Variants in NLRP2 observed in about 807,000 individuals in gnomAD.
NLRP2 encodes NACHT, LRR and PYD domains-containing protein 2.
Under a neutral mutation model 97.2 loss-of-function variants are expected in NLRP2, and 107 were observed. The ratio of observed to expected loss-of-function variants is 1.10; its 90% CI spans 0.94 to 1.29. The LOEUF (loss-of-function observed/expected upper bound fraction) is 1.29, where lower values mean the gene tolerates loss of function less well. Ranked by LOEUF, NLRP2 falls within the 50% of genes most tolerant of loss-of-function variation. The probability of loss-of-function intolerance (pLI) is 0.00; values close to 1 mark genes in which losing one functional copy is unlikely to be tolerated. For synonymous variants in NLRP2, 663 were observed against 551.5 expected, an observed-to-expected ratio of 1.20 and a Z score of -2.83; for missense variants, 1,495 against 1,330.3, an observed-to-expected ratio of 1.12 and a Z score of -1.93.
Position 54,997,322 on chromosome 19 carries a change from G to A in NLRP2, c.2885G>A (p.Trp962Ter), listed in dbSNP as rs2072884417. Residue 962 changes from tryptophan to a stop codon, truncating the protein, a stop_gained, in exon 12 of 13, where the codon TGG (tryptophan) becomes TAG (stop). Transcript: ENST00000448584. LOFTEE classifies it high-confidence loss of function. Reference sequence around the variant, plus strand: ...TGATTTCTGTGTTTCCCCAGGTTGTGGGGATGTTCCATCCCTCCGTTCAGT... The same window carrying A: ...TGATTTCTGTGTTTCCCCAGGTTGTAGGGATGTTCCATCCCTCCGTTCAGT... The part of the protein sequence containing the change: ...PLCNLRCLWL[W>*]GCSIPPFSCE... 1.2e-6 allele frequency: 2 copies of A among 1,613,350 alleles called. No homozygotes were observed. The highest frequency in any genetic ancestry group is 1.3e-5 in the African/African-American group (1 of 74,902).
chr19:54,986,659 T>C (rs1443786333), intron 8 of NLRP2, among the ~76,000 whole-genome samples: 1 of 152,134 alleles, frequency 6.6e-6, no homozygotes, highest in East Asian at 1.9e-4. Context: ...CAAGTAATTC[T>C]GCTGCCTCAG....
At position 54,986,227 on chromosome 19, in the gene NLRP2, C is replaced by CT; in HGVS notation, c.2279dup (p.Thr761AspfsTer6). 2 of 1,613,056 alleles carry CT rather than the reference C, an allele frequency of 1.2e-6. No homozygotes were observed. Among genetic ancestry groups the CT allele is most frequent in the Non-Finnish European group, 1.7e-6 (2 of 1,179,016 alleles). ...TCGAGGTCACAAGACTGTAACGTAT[C>CT]TGACCCTTCAAGGCAATGACCAGGA... On this transcript the variant is annotated frameshift_variant, in exon 8 of 13. Coordinates refer to ENST00000448584, the MANE Select transcript of NLRP2 (RefSeq NM_017852.5). LOFTEE classifies it high-confidence loss of function.
chr19:54,981,512 CCCCCT>C, intron 4 of NLRP2, 100 bp from the exon 5 acceptor site: 2 of 273,622 alleles, frequency 7.3e-6, no homozygotes, highest in Admixed American at 3.5e-5. Flanking sequence ...ATCCCGTGCC[CCCCCT>C]CCCCCCCGCC....
chr19:54,997,643 C>T (rs547490909), intron 12 of NLRP2, among the ~76,000 whole-genome samples, 156 bp downstream of exon 12: 2 of 152,162 alleles, frequency 1.3e-5, no homozygotes, highest in South Asian at 2.1e-4. Context: ...CTTGGAGAAA[C>T]GGGGTTTCAC....
intron 1 of NLRP2, among the ~76,000 whole-genome samples, chr19:54,966,670 C>G (rs565763720): frequency 3.6e-4 from 55 of 151,728 alleles, no homozygotes; most frequent in South Asian, 4.2e-4. Flanking sequence ...CTCAGCCTCC[C>G]GAGTAGCTGA....
In NLRP2 at chr19:54,999,684, GA is replaced by G. The variant is rs935351331; in HGVS notation, c.3051-1069del. 2.6e-4 allele frequency among the ~76,000 whole-genome samples: 40 copies of G among 151,930 alleles called. 1 individual carries two copies. Among genetic ancestry groups the G allele is most frequent in the African/African-American group, 9.6e-4 (40 of 41,466 alleles). Reference sequence around the variant, plus strand: ...CAACATGGTTGAGAATAAGAGGAATGAAAAAAAGGATTAAAAAGAGAAATGA... The same window carrying G: ...CAACATGGTTGAGAATAAGAGGAATGAAAAAAGGATTAAAAAGAGAAATGA... On this transcript the variant is annotated intron_variant, in intron 12 of 12. Transcript: ENST00000448584.
intron 3 of NLRP2, chr19:54,976,830 G>A: frequency 5.3e-5 from 2 of 37,866 alleles, no homozygotes; most frequent in Admixed American, 2.4e-4. Context: ...TTTTTTTTTT[G>A]ATACGGAGTC....
chr19:54,993,181 T>G (rs1328935171), intron 10 of NLRP2: 1 of 149,108 alleles, frequency 6.7e-6, no homozygotes, highest in East Asian at 2.0e-4. Flanking sequence ...ATTGTGCCAC[T>G]GTACTCCAGC....
chr19:54,967,917 A>ATTT (rs55659818), intron 1 of NLRP2, among the ~76,000 whole-genome samples: 1,590 of 126,272 alleles, frequency 0.013, 30 homozygotes, highest in African/African-American at 0.043. Context: ...TGCTACTGCT[A>ATTT]TTTTTTTTTT....
intron 1 of NLRP2, among the ~76,000 whole-genome samples, chr19:54,969,623 C>G (rs1379060650): frequency 6.6e-6 from 1 of 152,162 alleles, no homozygotes; most frequent in Non-Finnish European, 1.5e-5. Flanking sequence ...CTACTGTACT[C>G]CAGCCTGGGC....
chr19:54,988,069 C>T (rs2072217066), intron 8 of NLRP2, among the ~76,000 whole-genome samples: 1 of 152,076 alleles, frequency 6.6e-6, no homozygotes, highest in African/African-American at 2.4e-5. Flanking sequence ...ATTGATTGCT[C>T]TGGCTCTACT....
chr19:54,994,525 C>T (rs73609925), intron 11 of NLRP2, 86 bp downstream of exon 11: 2 of 1,404,038 alleles, frequency 1.4e-6, no homozygotes, highest in East Asian at 2.3e-5. Flanking sequence ...AGCCGACTTC[C>T]CAAGTTATAT....
intron 11 of NLRP2, among the ~76,000 whole-genome samples, chr19:54,995,620 G>A (rs185492068): frequency 2.0e-5 from 3 of 151,896 alleles, no homozygotes; most frequent in Non-Finnish European, 2.9e-5. Context: ...ATTAGATATC[G>A]TGCCAGAAAA....
At chr19:54,971,706 C>G (rs1204326573) in intron 2 of NLRP2, among the ~76,000 whole-genome samples, 1 of 152,138 alleles carries the variant, frequency 6.6e-6, no homozygotes, top group African/African-American at 2.4e-5. Flanking sequence ...CTACCTATTT[C>G]TATCGCTTTC....
intron 11 of NLRP2, among the ~76,000 whole-genome samples, chr19:54,996,926 AGACCGGAGTCTC>A (rs1396456556): frequency 1.3e-5 from 2 of 151,866 alleles, no homozygotes; most frequent in Admixed American, 1.3e-4. Flanking sequence ...TTGTTTTTTG[AGACCGGAGTCTC>A]ACTCTGTCAC....
At position 54,985,099 on chromosome 19, in the gene NLRP2, T is replaced by C; in HGVS notation, c.2083T>C (p.Phe695Leu). 1 of 1,614,158 alleles carries C rather than the reference T, an allele frequency of 6.2e-7. No individual in the cohort carries two copies. Among genetic ancestry groups the C allele is most frequent in the Non-Finnish European group, 8.5e-7 (1 of 1,180,030 alleles). Residue 695 changes from phenylalanine to leucine, a missense_variant, in exon 7 of 13, where the codon TTT becomes CTT. Transcript: ENST00000448584. ...LPFWTDLCSI[F>L]GSNKDLMGLA... ...TTTCTGGACGGACCTTTGTTCCATA[T>C]TTGGATCAAATAAGGATCTGATGGG...
intron 11 of NLRP2, among the ~76,000 whole-genome samples, chr19:54,994,912 T>C (rs2072721101): frequency 6.6e-6 from 1 of 150,394 alleles, no homozygotes; most frequent in African/African-American, 2.4e-5. Flanking sequence ...CCAGGCCCTA[T>C]GTCTAAGTTC....
intron 8 of NLRP2, among the ~76,000 whole-genome samples, chr19:54,987,202 C>A (rs888906060): frequency 1.4e-5 from 2 of 144,390 alleles, no homozygotes; most frequent in Non-Finnish European, 3.0e-5. Context: ...AGCCCAGAAT[C>A]TTTATCTTCT....
rs748495468 is a variant in NLRP2, at chr19:54,997,469, G to A, written c.3032G>A (p.Gly1011Asp). ...MLFETLTCSS[G>D]TLRTLRLKID... ...TTTGAAACCTTGACATGTTCCAGTG[G>A]CACCCTCCGGACACTCAGGTATGAT... The change falls in exon 12 of 13, where the codon GGC becomes GAC. Residue 1011 changes from glycine to aspartate, a missense_variant. Gly to Asp is a moderately conservative substitution (Grantham distance 94). Transcript: ENST00000448584. 28 of 1,614,026 alleles carry A rather than the reference G, an allele frequency of 1.7e-5. No homozygotes were observed. Among genetic ancestry groups the A allele is most frequent in the Non-Finnish European group, 2.4e-5 (28 of 1,180,030 alleles).
Sources: allele counts gnomAD v4.1 joint callset (sites outside exome capture counted in the v4.1 genomes callset), GRCh38; gene constraint gnomAD v4.1.1; transcripts MANE v1.5; gene names NCBI Gene and HGNC (gene_info 2026-07-23, HGNC 2026-07-21).